The following MAGI1 variants were observed in gnomAD, a reference collection of about 807,000 sequenced individuals.
MAGI1 encodes membrane-associated guanylate kinase, WW and PDZ domain-containing protein 1.
In MAGI1, 58 loss-of-function variants were observed where a neutral mutation model predicts 139.9. That is an observed-to-expected ratio of 0.41 (90% CI 0.34 to 0.52). MAGI1 has a LOEUF of 0.52. Ranked by LOEUF, MAGI1 falls within the 20% of genes least tolerant of loss-of-function variation. The pLI is 0.12. For missense variants in MAGI1, 1,874 were observed against 1,901.6 expected (o/e 0.99, Z 0.27); for synonymous variants, 812 against 737.9 (o/e 1.10, Z -1.63).
chr3:65,363,127 A>G (rs1217163372), intron 21 of MAGI1, among the ~76,000 whole-genome samples: 1 of 152,182 alleles, frequency 6.6e-6, no homozygotes, highest in East Asian at 1.9e-4. Flanking sequence ...GTACCCCAGA[A>G]TTCCTGTCAA....
intron 2 of MAGI1, among the ~76,000 whole-genome samples, 179 bp downstream of exon 2, chr3:65,621,793 A>C (rs2083682880): frequency 6.6e-6 from 1 of 152,080 alleles, no homozygotes; most frequent in African/African-American, 2.4e-5. Context: ...CCATGACTGA[A>C]ACCCAGGCAC....
At chr3:66,025,566 CA>C (rs1030919847) in intron 1 of MAGI1, among the ~76,000 whole-genome samples, 44 of 152,058 alleles carry the variant, frequency 2.9e-4, no homozygotes, top group Admixed American at 5.2e-4. Context: ...AACAAACAAA[CA>C]AAAAAAGTCC....
chr3:65,827,603 C>T (rs547242921), intron 1 of MAGI1, among the ~76,000 whole-genome samples: 10 of 152,230 alleles, frequency 6.6e-5, no homozygotes, highest in Admixed American at 4.6e-4. Context: ...AACTTTGAAA[C>T]GCCTTGGACC....
chr3:65,638,690 A>G lies in MAGI1; in HGVS notation c.314-16602T>C, dbSNP rs191374443. 1.0e-4 allele frequency among the ~76,000 whole-genome samples: 14 copies of G among 135,364 alleles called. No individual in the cohort carries two copies. In the East Asian group the frequency reaches 3.2e-3, roughly 31 times the overall value. The allele number at this position is 135,364 out of a possible 152,430, so 88.8% of individuals were successfully genotyped here. A position where few individuals can be genotyped will look rare whatever the true frequency, so the allele number is the denominator to read the frequency against. On this transcript the variant is annotated intron_variant, in intron 1 of 22. Coordinates refer to ENST00000402939, the MANE Select transcript of MAGI1 (RefSeq NM_001033057.2). ...AGTGGTGCGATCTCAGCTCACTGCA[A>G]CCTCCTCCCAGGTTCAAGTGATTCT... is the stretch of plus-strand genomic sequence containing the variant.
chr3:65,634,701 T>C (rs1248029534), intron 1 of MAGI1, among the ~76,000 whole-genome samples: 2 of 152,162 alleles, frequency 1.3e-5, no homozygotes, highest in South Asian at 2.1e-4. Flanking sequence ...AACAATGCAG[T>C]GTGTAAGCTT....
intron 2 of MAGI1, among the ~76,000 whole-genome samples, chr3:65,561,809 G>T (rs559750998): frequency 6.6e-6 from 1 of 152,078 alleles, no homozygotes; most frequent in Non-Finnish European, 1.5e-5. Context: ...CTACAGCTGG[G>T]CAGAAATACG....
chr3:65,687,281 C>A, intron 1 of MAGI1: 1 of 195,550 alleles, frequency 5.1e-6, no homozygotes, highest in Non-Finnish European at 1.1e-5. Flanking sequence ...GATGCGGCTT[C>A]CATTTGGAAT....
chr3:65,687,482 A>G, intron 1 of MAGI1: 4 of 383,830 alleles, frequency 1.0e-5, no homozygotes, highest in Non-Finnish European at 2.1e-5. Flanking sequence ...CCTGAAGAGC[A>G]ATCAGGACCC....
chr3:65,694,709 C>A (rs146532647), intron 1 of MAGI1, among the ~76,000 whole-genome samples: 1 of 152,320 alleles, frequency 6.6e-6, no homozygotes, highest in African/African-American at 2.4e-5. Context: ...AACTTGTACT[C>A]CTGTGACTAA....
intron 1 of MAGI1, among the ~76,000 whole-genome samples, chr3:65,999,994 A>C (rs1233634505): frequency 2.8e-5 from 2 of 71,082 alleles, no homozygotes; most frequent in African/African-American, 1.4e-4. Flanking sequence ...TTTTTTTGAT[A>C]CGGAGTCTCG....
Position 65,859,631 on chromosome 3 carries a change from G to A in MAGI1, c.313+178365C>T, listed in dbSNP as rs377365700. ...CACTACTCAGGAGGCTGAGGCAGGA[G>A]AATCACTCGAACCTGGGAGGCAGAG... On this transcript the variant is annotated intron_variant, in intron 1 of 22. Transcript: ENST00000402939. 9.8e-3 allele frequency among the ~76,000 whole-genome samples: 1,490 copies of A among 151,594 alleles called. 8 individuals are homozygous for A. Among genetic ancestry groups the A allele is most frequent in the South Asian group, 0.017 (81 of 4,794 alleles).
chr3:65,477,386 T>C (rs1216273890), intron 4 of MAGI1, among the ~76,000 whole-genome samples: 5 of 152,162 alleles, frequency 3.3e-5, no homozygotes, highest in Non-Finnish European at 7.3e-5. Context: ...TTGGAGCTGA[T>C]GCTAATCAAA....
chr3:65,602,451 T>C (rs2082528118), intron 2 of MAGI1, among the ~76,000 whole-genome samples: 1 of 152,238 alleles, frequency 6.6e-6, no homozygotes, highest in Admixed American at 6.5e-5. Context: ...ATGTCACATA[T>C]TGTGTTATTC....
At chr3:65,721,461 G>C (rs148408063) in intron 1 of MAGI1, among the ~76,000 whole-genome samples, 1 of 152,280 alleles carries the variant, frequency 6.6e-6, no homozygotes, top group East Asian at 1.9e-4. Context: ...AGTAAGTGTG[G>C]TCACCCTAGT....
At chr3:65,750,963 G>C (rs567956336) in intron 1 of MAGI1, among the ~76,000 whole-genome samples, 2 of 152,292 alleles carry the variant, frequency 1.3e-5, no homozygotes, top group African/African-American at 4.8e-5. Flanking sequence ...CTTTATATAA[G>C]ATGCACCAGG....
chr3:65,645,808 T>A (rs1322566069), intron 1 of MAGI1, among the ~76,000 whole-genome samples: 1 of 152,084 alleles, frequency 6.6e-6, no homozygotes, highest in African/African-American at 2.4e-5. Flanking sequence ...ATTCTACATA[T>A]AGTTATTTTA....
At chr3:65,839,680 A>G (rs1432460288) in intron 1 of MAGI1, among the ~76,000 whole-genome samples, 1 of 152,250 alleles carries the variant, frequency 6.6e-6, no homozygotes, top group Non-Finnish European at 1.5e-5. Flanking sequence ...CTTTCAGGAC[A>G]TAGGGCGTGG....
chr3:65,621,158 G>A (rs1047649048), intron 2 of MAGI1, among the ~76,000 whole-genome samples: 2 of 152,110 alleles, frequency 1.3e-5, no homozygotes, highest in Non-Finnish European at 1.5e-5. Context: ...TGATAGAGAG[G>A]AGAAAGGAAA....
intron 2 of MAGI1, among the ~76,000 whole-genome samples, chr3:65,611,117 G>T (rs146674343): frequency 7.4e-6 from 1 of 135,476 alleles, no homozygotes; most frequent in South Asian, 2.3e-4. Flanking sequence ...TATTATATAC[G>T]TATATAATAT....
Sources: allele counts gnomAD v4.1 joint callset (sites outside exome capture counted in the v4.1 genomes callset), GRCh38; gene constraint gnomAD v4.1.1; transcripts MANE v1.5; gene names NCBI Gene and HGNC (gene_info 2026-07-23, HGNC 2026-07-21).